PCMTD2: variants seen among roughly 807,000 people sequenced by gnomAD.
The protein encoded by PCMTD2 is protein-L-isoaspartate O-methyltransferase domain-containing protein 2.
PCMTD2 carries 16 observed loss-of-function variants against 33.4 expected under a neutral mutation model. That is an observed-to-expected ratio of 0.48 (90% confidence interval 0.32 to 0.73). The LOEUF is 0.73. Ranked by LOEUF, PCMTD2 falls within the 30% of genes least tolerant of loss-of-function variation. The pLI, the probability that PCMTD2 is intolerant of heterozygous loss-of-function variation, is 0.03. For synonymous variants in PCMTD2, 161 were observed against 160.8 expected (o/e 1.00, Z -0.01); for missense variants, 374 against 449.9 (o/e 0.83, Z 1.53).
chr20:64,266,628 A>G (rs562704426), intron 4 of PCMTD2, among the ~76,000 whole-genome samples: 78 of 152,314 alleles, frequency 5.1e-4, no homozygotes, highest in East Asian at 5.0e-3. Flanking sequence ...GCCTCAAGCA[A>G]TTGCCTCACC....
intron 5 of PCMTD2, 79 bp from the exon 6 acceptor site, chr20:64,273,142 C>A: frequency 8.4e-7 from 1 of 1,191,212 alleles, no homozygotes; most frequent in Non-Finnish European, 1.2e-6. Flanking sequence ...TGAAATGATG[C>A]TACGGGTCTT....
At chr20:64,273,188 C>T in intron 5 of PCMTD2, 33 bp from the exon 6 acceptor site, 2 of 1,583,578 alleles carry the variant, frequency 1.3e-6, no homozygotes, top group South Asian at 1.1e-5. Flanking sequence ...CACTCCGATG[C>T]ATTTGACTGT....
At chr20:64,263,957 T>G (rs1985542419) in intron 2 of PCMTD2, among the ~76,000 whole-genome samples, 1 of 152,260 alleles carries the variant, frequency 6.6e-6, no homozygotes, top group African/African-American at 2.4e-5. Flanking sequence ...TTCAAATTAC[T>G]GATAAATATC....
At chr20:64,260,371 G>A in intron 2 of PCMTD2, 99 bp downstream of exon 2, 2 of 782,698 alleles carry the variant, frequency 2.6e-6, no homozygotes, top group Non-Finnish European at 2.2e-6. Flanking sequence ...CCTGGGTCGA[G>A]ACCGCAGCCT....
intron 3 of PCMTD2, among the ~76,000 whole-genome samples, 187 bp from the exon 4 acceptor site, chr20:64,265,071 C>T (rs1421729848): frequency 6.6e-6 from 1 of 152,130 alleles, no homozygotes; most frequent in East Asian, 1.9e-4. Flanking sequence ...TTCTAGAGTT[C>T]TAGTTATATA....
chr20:64,264,559 A>G, intron 3 of PCMTD2, 28 bp downstream of exon 3: 1 of 1,069,346 alleles, frequency 9.4e-7, no homozygotes. Context: ...CCATTGGCTC[A>G]GATGATGTGA....
intron 2 of PCMTD2, chr20:64,262,539 T>TTTATTCAA (rs1179876070): frequency 1.3e-5 from 2 of 152,330 alleles, no homozygotes; most frequent in Admixed American, 1.3e-4. Context: ...TGCTGCAGCT[T>TTTATTCAA]TTATTCAAGC....
intron 4 of PCMTD2, among the ~76,000 whole-genome samples, chr20:64,266,917 A>G (rs1052810769): frequency 1.3e-5 from 2 of 152,238 alleles, no homozygotes; most frequent in Admixed American, 6.5e-5. Context: ...CATTGTAACT[A>G]GAAATTCTTT....
intron 1 of PCMTD2, chr20:64,257,156 T>C (rs1985202217): frequency 6.6e-6 from 1 of 152,244 alleles, no homozygotes; most frequent in African/African-American, 2.4e-5. Flanking sequence ...TTTGTCCATA[T>C]TACCCTAAAG....
intron 5 of PCMTD2, 52 bp from the exon 6 acceptor site, chr20:64,273,169 T>C: frequency 3.3e-6 from 5 of 1,513,822 alleles, no homozygotes; most frequent in Non-Finnish European, 4.5e-6. Flanking sequence ...GTAGGCGTTG[T>C]GGTGGTGTCA....
chr20:64,259,055 A>AGG lies in PCMTD2; in HGVS notation c.-24-886_-24-885insGG, dbSNP rs1404949851. Among the ~76,000 whole-genome samples the AGG allele has an allele frequency of 2.0e-5, 3 of 152,206 alleles. No individual in the cohort carries two copies. In the East Asian group the frequency reaches 5.8e-4, roughly 29 times the overall value. ...CTTGAAGGCAGGTTGGGAGAAGGTA[A>AGG]GACAAGTAGTTGTTATTTTTAAAGA... On this transcript the variant is annotated intron_variant, in intron 1 of 5. Transcript: ENST00000308824.
intron 4 of PCMTD2, 98 bp from the exon 5 acceptor site, chr20:64,267,789 G>A (rs989422496): frequency 2.8e-5 from 28 of 993,822 alleles, no homozygotes; most frequent in Non-Finnish European, 1.5e-6. Context: ...TTTATTGTAA[G>A]CATTTCTATG....
chr20:64,264,484 A>G lies in PCMTD2; in HGVS notation c.363A>G (p.Ala121=). 1 of 1,607,640 alleles carries G rather than the reference A, an allele frequency of 6.2e-7. No individual in the cohort carries two copies. Among genetic ancestry groups the G allele is most frequent in the Non-Finnish European group, 8.5e-7 (1 of 1,174,134 alleles). ...TTCACTCAGATGTGATAGAGTATGC[A>G]AAGCAGAAACTGGACTTCTTCATCA... The part of the protein sequence containing the change: ...VELHSDVIEY[A]KQKLDFFIRT... The change falls in exon 3 of 6, where the codon GCA becomes GCG. Residue 121 remains alanine, a synonymous_variant. Coordinates refer to ENST00000308824, the MANE Select transcript of PCMTD2 (RefSeq NM_018257.3).
At chr20:64,269,948 G>A (rs1054631978) in intron 5 of PCMTD2, among the ~76,000 whole-genome samples, 6 of 146,408 alleles carry the variant, frequency 4.1e-5, no homozygotes, top group Non-Finnish European at 9.0e-5. Flanking sequence ...GTGGGGTCCC[G>A]TGAGTGAGGG....
chr20:64,273,259 A>T lies in PCMTD2; in HGVS notation c.745A>T (p.Ile249Phe). Residue 249 changes from isoleucine (I) to phenylalanine (F), a missense_variant, in exon 6 of 6, where the codon ATC becomes TTC. Transcript: ENST00000308824. Reference protein sequence around the residue: ...AVRSLQDLARIAIRGTIKKII... With the variant: ...AVRSLQDLARFAIRGTIKKII... ...TCGCAGCCTCCAGGACTTGGCTCGCATCGCCATCCGGGGCACCATTAAAAA... is the reference window on the plus strand; with the variant it reads ...TCGCAGCCTCCAGGACTTGGCTCGCTTCGCCATCCGGGGCACCATTAAAAA... 1 of 1,614,120 alleles carries T rather than the reference A, an allele frequency of 6.2e-7. No individual in the cohort carries two copies. Among genetic ancestry groups the T allele is most frequent in the Non-Finnish European group, 8.5e-7 (1 of 1,179,982 alleles).
intron 2 of PCMTD2, among the ~76,000 whole-genome samples, chr20:64,260,630 T>A (rs76879965): frequency 0.014 from 2,069 of 152,230 alleles, 57 homozygotes; most frequent in African/African-American, 0.047. Context: ...TTCTTCCTTG[T>A]CACTCCTTCT....
Position 64,275,594 on chromosome 20 carries a change from G to A in PCMTD2, c.*1994G>A, listed in dbSNP as rs1270407115. On this transcript the variant is annotated 3_prime_UTR_variant, in exon 6 of 6. Coordinates refer to ENST00000308824, the MANE Select transcript of PCMTD2 (RefSeq NM_018257.3). ...AATTTGGTTTAAAAAAAATCTGGTG[G>A]TAATATATGTGAGAAATACTTTGGT... 1 of 152,112 alleles carries A rather than the reference G, an allele frequency of 6.6e-6. No individual in the cohort carries two copies. The highest frequency in any genetic ancestry group is 1.5e-5 in the Non-Finnish European group (1 of 68,014). The allele number at this position is 152,112 out of a possible 1,614,324, so 9.4% of individuals were successfully genotyped here.
Position 64,273,933 on chromosome 20 carries a change from C to T in PCMTD2, c.*333C>T, listed in dbSNP as rs1601749614. ...TGCGTAAGAGAGACTGTTTGATGAC[C>T]GTCCCTCATGCAACATGCACGGTAC... On this transcript the variant is annotated 3_prime_UTR_variant, in exon 6 of 6. Coordinates refer to ENST00000308824, the MANE Select transcript of PCMTD2 (RefSeq NM_018257.3). 2 of 210,038 alleles carry T rather than the reference C, an allele frequency of 9.5e-6. No individual in the cohort carries two copies. Among genetic ancestry groups the T allele is most frequent in the Non-Finnish European group, 1.9e-5 (2 of 106,222 alleles). The allele number at this position is 210,038 out of a possible 1,614,324, so 13.0% of individuals were successfully genotyped here.
chr20:64,260,078 G>C lies in PCMTD2; in HGVS notation c.113G>C (p.Arg38Pro). The C allele has an allele frequency of 6.2e-7, 1 of 1,612,322 alleles. No homozygotes were observed. Among genetic ancestry groups the C allele is most frequent in the African/African-American group, 1.3e-5 (1 of 74,988 alleles). ...GAGCAGGCTTTCAGAGCTATCGATC[G>C]TGCAGACTATTATCTTGAAGAATTT... ...LVEQAFRAID[R>P]ADYYLEEFKE... Residue 38 changes from arginine to proline, a missense_variant, in exon 2 of 6, where the codon CGT (arginine) becomes CCT (proline). By Grantham distance (103) the Arg-to-Pro change is moderately radical. Transcript: ENST00000308824.
Sources: gnomAD v4.1 joint callset for allele counts (sites outside exome capture counted in the v4.1 genomes callset) on GRCh38, gnomAD v4.1.1 for gene constraint, MANE v1.5 for transcripts, NCBI Gene and HGNC (gene_info 2026-07-23, HGNC 2026-07-21) for gene names.